SGK1: variants seen among roughly 807,000 people sequenced by gnomAD.
SGK1 encodes the protein serum/glucocorticoid regulated kinase 1, also known as serine/threonine-protein kinase Sgk1.
Under a neutral mutation model 64.2 loss-of-function variants are expected in SGK1, and 26 were observed. That is an observed-to-expected ratio of 0.40 (90% CI 0.30 to 0.56). The LOEUF is 0.56. Among genes scored for constraint, SGK1 ranks in the 20% least tolerant of loss-of-function variants. The pLI is 0.38. For missense variants in SGK1, 519 were observed against 645.6 expected (o/e 0.80, Z 2.12); for synonymous variants, 265 against 239.7 (o/e 1.11, Z -0.98).
chr6:134,251,502 G>T (rs528377880), intron 2 of SGK1, among the ~76,000 whole-genome samples: 1 of 152,308 alleles, frequency 6.6e-6, no homozygotes, highest in South Asian at 2.1e-4. Flanking sequence ...AAGTGTAACT[G>T]CTGGCTAGAG....
rs1187226476 is a variant in SGK1, at chr6:134,317,910, T to C, written c.-450A>G. 2 of 159,800 alleles carry C rather than the reference T, an allele frequency of 1.3e-5. No individual in the cohort carries two copies. Among genetic ancestry groups the C allele is most frequent in the South Asian group, 1.8e-4 (1 of 5,412 alleles). 9.9% of individuals were successfully genotyped at this position (159,800 alleles called of 1,614,324 possible). On this transcript the variant is annotated 5_prime_UTR_variant, in exon 1 of 14. Coordinates refer to ENST00000367858, the MANE Select transcript of SGK1 (RefSeq NM_001143676.3). The stretch of plus-strand genomic sequence containing the variant: ...CTTGAGAGAGGAGAGTTGTTTTTGA[T>C]TGTGCAAGTTCCAGTGGGAGCTGTA...
intron 1 of SGK1, among the ~76,000 whole-genome samples, chr6:134,271,431 G>A (rs1175296492): frequency 1.4e-5 from 2 of 147,604 alleles, no homozygotes; most frequent in Admixed American, 6.9e-5. Flanking sequence ...ATTATTTTAG[G>A]TACTATCTCT....
intron 2 of SGK1, among the ~76,000 whole-genome samples, chr6:134,221,193 AC>A (rs1247288754): frequency 1.3e-5 from 2 of 151,914 alleles, no homozygotes; most frequent in Non-Finnish European, 2.9e-5. Context: ...AATCCCAGCT[AC>A]TTGGGAGGCT....
chr6:134,316,743 CAAAAAAAAAAAAA>C (rs141130901), intron 1 of SGK1, among the ~76,000 whole-genome samples: 11 of 39,332 alleles, frequency 2.8e-4, no homozygotes, highest in African/African-American at 4.3e-4. Context: ...TGCTCTCTCC[CAAAAAAAAAAAAA>C]AAAAAAAAAA....
At chr6:134,237,215 C>T (rs762426383) in intron 2 of SGK1, among the ~76,000 whole-genome samples, 63 of 151,858 alleles carry the variant, frequency 4.1e-4, no homozygotes, top group Non-Finnish European at 7.7e-4. Context: ...CCACCATGCC[C>T]GGCTAATTTT....
chr6:134,312,113 C>A (rs1374080349), intron 1 of SGK1, among the ~76,000 whole-genome samples: 1 of 152,176 alleles, frequency 6.6e-6, no homozygotes, highest in Non-Finnish European at 1.5e-5. Flanking sequence ...GGTAAACGAA[C>A]TACCTGAATT....
chr6:134,317,585 C>A lies in SGK1; in HGVS notation c.-125G>T. ...AGACTGAGCGGGATGGAGAATCTAG[C>A]GGGGCTCAGTTCTTCACTCGCGCAT... On this transcript the variant is annotated 5_prime_UTR_variant, in exon 1 of 14. Coordinates refer to ENST00000367858, the MANE Select transcript of SGK1 (RefSeq NM_001143676.3). The A allele has an allele frequency of 2.7e-6, 2 of 731,626 alleles. No homozygotes were observed. The highest frequency in any genetic ancestry group is 5.0e-6 in the Non-Finnish European group (2 of 396,368). 45.3% of individuals were successfully genotyped at this position (731,626 alleles called of 1,614,324 possible).
intron 1 of SGK1, among the ~76,000 whole-genome samples, chr6:134,284,390 C>A (rs756267037): frequency 6.6e-6 from 1 of 152,162 alleles, no homozygotes; most frequent in Non-Finnish European, 1.5e-5. Context: ...CCACTGCAGC[C>A]GGCCCATCAC....
At chr6:134,270,182 A>G (rs972479096) in intron 1 of SGK1, among the ~76,000 whole-genome samples, 3 of 147,802 alleles carry the variant, frequency 2.0e-5, no homozygotes, top group Middle Eastern at 3.4e-3. Context: ...TGGCCTCCCA[A>G]TCCCAAGCCT....
At chr6:134,316,600 C>CA (rs1197832727) in intron 1 of SGK1, among the ~76,000 whole-genome samples, 2 of 151,430 alleles carry the variant, frequency 1.3e-5, no homozygotes, top group African/African-American at 2.4e-5. Flanking sequence ...AATATACATG[C>CA]AAAAAAATCC....
chr6:134,207,265 A>AT (rs1246684747), intron 3 of SGK1, 91 bp downstream of exon 3: 7 of 802,544 alleles, frequency 8.7e-6, no homozygotes, highest in Non-Finnish European at 1.4e-5. Flanking sequence ...ACAAAAAAAT[A>AT]TTTCCCCCCA....
At chr6:134,206,338 GATATAT>G (rs71003676) in intron 3 of SGK1, among the ~76,000 whole-genome samples, 53 of 32,634 alleles carry the variant, frequency 1.6e-3, no homozygotes, top group South Asian at 4.7e-3. Flanking sequence ...TGTACCTGAT[GATATAT>G]ATATATATAT....
chr6:134,213,208 A>G (rs1775919913), intron 2 of SGK1, among the ~76,000 whole-genome samples: 1 of 152,142 alleles, frequency 6.6e-6, no homozygotes, highest in South Asian at 2.1e-4. Flanking sequence ...TACTTTGCAG[A>G]AGCGAGAAAA....
chr6:134,186,908 CT>C (rs1489110248), intron 3 of SGK1, among the ~76,000 whole-genome samples: 1 of 151,244 alleles, frequency 6.6e-6, no homozygotes, highest in Non-Finnish European at 1.5e-5. Context: ...CCTCTGCCTC[CT>C]GGGTTCAAGC....
chr6:134,248,878 C>T (rs1776564982), intron 2 of SGK1, among the ~76,000 whole-genome samples: 2 of 152,020 alleles, frequency 1.3e-5, no homozygotes, highest in East Asian at 1.9e-4. Context: ...CTTTTTATCC[C>T]CCTCTCCCTT....
rs1309942953 is a variant in SGK1 at position 134,273,289 on chromosome 6, G to A, written c.70-11141C>T. Among the ~76,000 whole-genome samples, 24 of 147,170 alleles carry A rather than the reference G, an allele frequency of 1.6e-4. 5 individuals carry two copies. The Admixed American group carries it at 1.7e-3, about 10-fold the overall frequency. On this transcript the variant is annotated intron_variant, in intron 1 of 13. Transcript: ENST00000367858. ...TACTTGGTCCAGTCAGGAAAAATCAGGGAAGGCTTTCTGGTGGAAGTGATG... is the reference window on the plus strand; with the variant it reads ...TACTTGGTCCAGTCAGGAAAAATCAAGGAAGGCTTTCTGGTGGAAGTGATG...
At chr6:134,265,530 T>C (rs1178448788) in intron 1 of SGK1, among the ~76,000 whole-genome samples, 1 of 147,296 alleles carries the variant, frequency 6.8e-6, no homozygotes, top group Non-Finnish European at 1.5e-5. Context: ...TATACATATA[T>C]ATTTTATATA....
rs1441567671 is a variant in SGK1 at position 134,170,594 on chromosome 6, C to T, written c.1414-159G>A. On this transcript the variant is annotated intron_variant, in intron 13 of 13. Coordinates refer to ENST00000367858, the MANE Select transcript of SGK1 (RefSeq NM_001143676.3). ...TCTCAAAAGGCTACACACAGTTAAA[C>T]ATAAGAATAATGTTCACTTGTTGCC... is the stretch of plus-strand genomic sequence containing the variant. 6 of 718,520 alleles carry T rather than the reference C, an allele frequency of 8.4e-6. No homozygotes were observed. The African/African-American group carries it at 1.1e-4, about 13-fold the overall frequency. The allele number at this position is 718,520 out of a possible 1,614,324, so 44.5% of individuals were successfully genotyped here. A position where few individuals can be genotyped will look rare whatever the true frequency, so the allele number is the denominator to read the frequency against.
intron 3 of SGK1, among the ~76,000 whole-genome samples, chr6:134,204,047 C>A (rs1356353425): frequency 1.4e-5 from 2 of 146,866 alleles, no homozygotes; most frequent in South Asian, 2.2e-4. Flanking sequence ...CCAGCCTGGG[C>A]AACAAGAGCA....
Sources: allele counts gnomAD v4.1 joint callset (sites outside exome capture counted in the v4.1 genomes callset), GRCh38; gene constraint gnomAD v4.1.1; transcripts MANE v1.5; gene names NCBI Gene and HGNC (gene_info 2026-07-23, HGNC 2026-07-21).